The following RAP1A variants were observed in gnomAD, a reference collection of about 807,000 sequenced individuals.
RAP1A encodes the protein RAP1A, member of RAS oncogene family.
A neutral mutation model predicts 26.4 loss-of-function variants in RAP1A; 6 were observed. The observed-to-expected ratio is 0.23, with a 90% CI of 0.12 to 0.45. The LOEUF (loss-of-function observed/expected upper bound fraction) is 0.45. Among genes scored for constraint, RAP1A ranks in the 20% least tolerant of loss-of-function variants. The pLI, the probability that RAP1A is intolerant of heterozygous loss-of-function variation, is 0.99. For missense variants in RAP1A, 121 were observed against 217.2 expected, an observed-to-expected ratio of 0.56 and a Z score of 2.78; for synonymous variants, 73 against 79.4, an observed-to-expected ratio of 0.92 and a Z score of 0.43.
At chr1:111,632,634 C>G (rs1434840446) in intron 1 of RAP1A, among the ~76,000 whole-genome samples, 1 of 151,996 alleles carries the variant, frequency 6.6e-6, no homozygotes. Flanking sequence ...AGCCTACGGC[C>G]AGGTGTGGTG....
At chr1:111,695,700 A>G (rs563799771) in intron 3 of RAP1A, among the ~76,000 whole-genome samples, 76 of 152,270 alleles carry the variant, frequency 5.0e-4, no homozygotes, top group African/African-American at 1.8e-3. Flanking sequence ...TGTGTTTTCA[A>G]CTTACTCTTT....
In RAP1A at chr1:111,695,333, T is replaced by C. The variant is rs768901095; in HGVS notation, c.58-8T>C. 6.9e-5 allele frequency: 107 copies of C among 1,547,992 alleles called. No individual in the cohort carries two copies. Among genetic ancestry groups the C allele is most frequent in the Middle Eastern group, 5.6e-4 (3 of 5,354 alleles). On this transcript the variant is annotated splice_region_variant and splice_polypyrimidine_tract_variant and intron_variant, in intron 2 of 7. Coordinates refer to ENST00000369709, the MANE Select transcript of RAP1A (RefSeq NM_002884.4). ...ATTTTTTAATATTTCTCTTTTTTTTTCCCCCAGACAGTTCAGTTTGTTCAG... is the reference window on the plus strand; with the variant it reads ...ATTTTTTAATATTTCTCTTTTTTTTCCCCCCAGACAGTTCAGTTTGTTCAG...
chr1:111,573,459 A>G (rs1056109970), intron 1 of RAP1A, among the ~76,000 whole-genome samples: 4 of 152,082 alleles, frequency 2.6e-5, no homozygotes, highest in Non-Finnish European at 4.4e-5. Flanking sequence ...TTCAGCCTCC[A>G]GAGTAGCTGG....
upstream of RAP1A, among the ~76,000 whole-genome samples, chr1:111,619,101 G>A (rs1277099025): frequency 6.6e-6 from 1 of 152,224 alleles, no homozygotes; most frequent in East Asian, 1.9e-4. Context: ...GGCTGACGCT[G>A]CTCAGCCATG....
intron 1 of RAP1A, among the ~76,000 whole-genome samples, chr1:111,579,694 C>G (rs1228503226): frequency 3.3e-5 from 5 of 152,150 alleles, no homozygotes. Flanking sequence ...CTTAGCCTAG[C>G]CTACCTTAGA....
chr1:111,665,684 A>T (rs1183774582), intron 1 of RAP1A, among the ~76,000 whole-genome samples: 1 of 152,206 alleles, frequency 6.6e-6, no homozygotes, highest in Non-Finnish European at 1.5e-5. Context: ...TATGTTGCTA[A>T]AACAGGATAT....
upstream of RAP1A, among the ~76,000 whole-genome samples, chr1:111,615,179 A>G (rs554503920): frequency 2.6e-4 from 39 of 152,248 alleles, 1 homozygote; most frequent in Admixed American, 6.5e-4. Flanking sequence ...GGATGGAGAT[A>G]CACAATTGGG....
At chr1:111,557,135 A>C (rs1657526899) in intron 1 of RAP1A, among the ~76,000 whole-genome samples, 1 of 152,242 alleles carries the variant, frequency 6.6e-6, no homozygotes, top group African/African-American at 2.4e-5. Flanking sequence ...CTACAGAGGA[A>C]TGATATTTAG....
At chr1:111,667,510 C>A (rs1223423738) in intron 1 of RAP1A, among the ~76,000 whole-genome samples, 1 of 151,888 alleles carries the variant, frequency 6.6e-6, no homozygotes, top group South Asian at 2.1e-4. Context: ...CATGGCGAAA[C>A]CTGTCTCTAC....
chr1:111,632,860 G>C (rs375376405), intron 1 of RAP1A, among the ~76,000 whole-genome samples: 1 of 149,848 alleles, frequency 6.7e-6, no homozygotes, highest in African/African-American at 2.5e-5. Context: ...GGCAGAGGTT[G>C]TGGTGAGCCA....
At chr1:111,576,614 C>T (rs1042446568) in intron 1 of RAP1A, among the ~76,000 whole-genome samples, 5 of 152,176 alleles carry the variant, frequency 3.3e-5, no homozygotes, top group South Asian at 4.1e-4. Context: ...AGTACAGGGG[C>T]GGCATTTGCT....
chr1:111,544,716 C>T (rs1337912), intron 1 of RAP1A, among the ~76,000 whole-genome samples: 2 of 151,238 alleles, frequency 1.3e-5, no homozygotes, highest in Non-Finnish European at 1.5e-5. Context: ...ACATTCAAAA[C>T]GTACATGAAC....
intron 1 of RAP1A, among the ~76,000 whole-genome samples, chr1:111,596,279 A>G (rs1363691258): frequency 6.6e-6 from 1 of 152,112 alleles, no homozygotes; most frequent in East Asian, 1.9e-4. Flanking sequence ...ATGGATGAGG[A>G]ACTCTTCCAT....
intron 6 of RAP1A, among the ~76,000 whole-genome samples, chr1:111,707,583 A>G (rs185250520): frequency 1.2e-4 from 18 of 152,320 alleles, no homozygotes; most frequent in Non-Finnish European, 2.4e-4. Flanking sequence ...TGTGTTTGGT[A>G]TATATTCAGA....
At chr1:111,601,170 C>G (rs952270602) in intron 1 of RAP1A, among the ~76,000 whole-genome samples, 54 of 152,226 alleles carry the variant, frequency 3.5e-4, no homozygotes, top group Admixed American at 4.6e-4. Context: ...TGACAATGTT[C>G]AGTGTGGGTA....
At chr1:111,600,103 A>T (rs923772846) in intron 1 of RAP1A, 3 of 152,482 alleles carry the variant, frequency 2.0e-5, no homozygotes, top group Admixed American at 6.5e-5. Flanking sequence ...AGCCTGCAGA[A>T]CCACAAGCCA....
intron 1 of RAP1A, among the ~76,000 whole-genome samples, chr1:111,622,555 C>G (rs1659250642): frequency 6.6e-6 from 1 of 152,214 alleles, no homozygotes; most frequent in African/African-American, 2.4e-5. Flanking sequence ...TCTATCCTCT[C>G]ACCCTACCTT....
chr1:111,679,041 T>G (rs1313436130), intron 1 of RAP1A, among the ~76,000 whole-genome samples: 1 of 152,174 alleles, frequency 6.6e-6, no homozygotes, highest in Non-Finnish European at 1.5e-5. Flanking sequence ...CAACATCTTT[T>G]CCTCAGAACC....
At chr1:111,561,882 G>A (rs370704256) in intron 1 of RAP1A, among the ~76,000 whole-genome samples, 56 of 151,992 alleles carry the variant, frequency 3.7e-4, no homozygotes, top group African/African-American at 1.2e-3. Flanking sequence ...TTTTTGGCCC[G>A]GACTTTTTCA....
Sources: gnomAD v4.1 joint callset for allele counts (sites outside exome capture counted in the v4.1 genomes callset) on GRCh38, gnomAD v4.1.1 for gene constraint, MANE v1.5 for transcripts, NCBI Gene and HGNC (gene_info 2026-07-23, HGNC 2026-07-21) for gene names.